The following KLRG1 variants were observed in gnomAD, a reference collection of about 807,000 sequenced individuals.
KLRG1 encodes the protein killer cell lectin-like receptor subfamily G member 1.
Under a neutral mutation model 21.8 loss-of-function variants are expected in KLRG1, and 16 were observed. That is an observed-to-expected ratio of 0.73 (90% CI 0.50 to 1.11). The LOEUF is 1.11. Among genes scored for constraint, KLRG1 ranks in the 50% most tolerant of loss-of-function variants. The pLI, the probability that KLRG1 is intolerant of heterozygous loss-of-function variation, is 0.00. For synonymous variants in KLRG1, 69 were observed against 75.9 expected (o/e 0.91, Z 0.47); for missense variants, 173 against 218.3 (o/e 0.79, Z 1.31).
chr12:9,033,138 A>G, the KLRG1 span, among the ~76,000 whole-genome samples: 68 of 152,228 alleles, frequency 4.5e-4, no homozygotes, highest in Non-Finnish European at 8.1e-4. Context: ...GAATTTGTGA[A>G]TCAAAAGATT....
At chr12:9,185,814 CTTTT>C in the KLRG1 span, among the ~76,000 whole-genome samples, 1 of 147,234 alleles carries the variant, frequency 6.8e-6, no homozygotes, top group Non-Finnish European at 1.5e-5. Flanking sequence ...CTTTTCTTTT[CTTTT>C]TTTTTTTCTT....
intron 1 of KLRG1, among the ~76,000 whole-genome samples, chr12:8,984,259 G>A (rs777999915): frequency 9.2e-5 from 14 of 152,018 alleles, no homozygotes; most frequent in Admixed American, 2.0e-4. Flanking sequence ...CTGGAGTGCC[G>A]TAGTGCAATC....
chr12:9,193,633 T>G, the KLRG1 span, among the ~76,000 whole-genome samples: 1 of 152,214 alleles, frequency 6.6e-6, no homozygotes, highest in Non-Finnish European at 1.5e-5. Flanking sequence ...AATTATAGTC[T>G]TTTATCACTT....
At chr12:9,135,457 A>G in the KLRG1 span, 2 of 370,452 alleles carry the variant, frequency 5.4e-6, no homozygotes, top group South Asian at 5.4e-5. Flanking sequence ...GTGCTGTATG[A>G]AAGCCCCACC....
rs750167642 is a variant in KLRG1, at chr12:9,009,457, G to A, written c.490G>A (p.Gly164Ser). Residue 164 changes from glycine (G) to serine (S), a missense_variant, in exon 5 of 5, where the codon GGT becomes AGT. By Grantham distance (56) the Gly-to-Ser change is moderately conservative. Coordinates refer to ENST00000356986, the MANE Select transcript of KLRG1 (RefSeq NM_005810.4). Reference protein sequence around the residue: ...ISSNSFVQTCGAINKNGLQAS... With the variant: ...ISSNSFVQTCSAINKNGLQAS... ...TTCTAATAGCTTTGTGCAGACATGC[G>A]GTGCCATCAACAAAAATGGTCTTCA... 1.2e-5 allele frequency: 20 copies of A among 1,613,624 alleles called. No homozygotes were observed. Among genetic ancestry groups the A allele is most frequent in the South Asian group, 3.3e-5 (3 of 91,060 alleles).
At chr12:9,139,370 G>C in the KLRG1 span, among the ~76,000 whole-genome samples, 9 of 152,148 alleles carry the variant, frequency 5.9e-5, no homozygotes, top group Non-Finnish European at 1.2e-4. Flanking sequence ...GGAAGGATCT[G>C]AGTGCACATG....
At chr12:9,160,351 CTGCG>C in the KLRG1 span, 1 of 1,614,150 alleles carries the variant, frequency 6.2e-7, no homozygotes, top group Non-Finnish European at 8.5e-7. Context: ...CCTTGATCTC[CTGCG>C]TCAGCTGCTG....
intron 1 of KLRG1, among the ~76,000 whole-genome samples, chr12:8,958,421 ACTC>A (rs2137207738): frequency 6.6e-6 from 1 of 152,204 alleles, no homozygotes; most frequent in East Asian, 1.9e-4. Context: ...CTAATAACAC[ACTC>A]CTGATTCTTC....
intron 1 of KLRG1, among the ~76,000 whole-genome samples, chr12:8,976,903 C>G (rs764700890): frequency 1.3e-5 from 2 of 151,790 alleles, no homozygotes; most frequent in Admixed American, 1.3e-4. Flanking sequence ...TGTACTACCA[C>G]GCCTGGCTAA....
chr12:9,060,895 ATATT>A, the KLRG1 span, among the ~76,000 whole-genome samples: 7 of 152,212 alleles, frequency 4.6e-5, no homozygotes, highest in Admixed American at 2.6e-4. Context: ...AAGAGACAGT[ATATT>A]TATATTTCCT....
downstream of KLRG1, among the ~76,000 whole-genome samples, chr12:9,012,572 G>A (rs1947646869): frequency 6.6e-6 from 1 of 151,802 alleles, no homozygotes; most frequent in Non-Finnish European, 1.5e-5. Context: ...GCCATGGGGA[G>A]AGACTTCTTC....
At chr12:8,977,370 ATTTT>A (rs1229287155) in intron 1 of KLRG1, among the ~76,000 whole-genome samples, 1 of 127,840 alleles carries the variant, frequency 7.8e-6, no homozygotes, top group Admixed American at 8.2e-5. Context: ...TGCCTGGCTA[ATTTT>A]TTTTTTTTTT....
At chr12:9,101,942 G>A in the KLRG1 span, among the ~76,000 whole-genome samples, 50 of 152,250 alleles carry the variant, frequency 3.3e-4, no homozygotes, top group African/African-American at 1.1e-3. Context: ...TGATTAGCTT[G>A]CTTGAAATTT....
At chr12:9,070,415 T>A in the KLRG1 span, 8 of 957,956 alleles carry the variant, frequency 8.4e-6, no homozygotes, top group African/African-American at 1.1e-4. Flanking sequence ...ATTTTGATAT[T>A]AGTATTGTCT....
the KLRG1 span, chr12:9,165,086 C>G: frequency 6.4e-7 from 1 of 1,565,020 alleles, no homozygotes; most frequent in Non-Finnish European, 8.8e-7. Flanking sequence ...GCTGACTGAT[C>G]AAAGGAATCT....
chr12:9,072,411 T>G, the KLRG1 span: 1 of 1,613,806 alleles, frequency 6.2e-7, no homozygotes, highest in Admixed American at 1.7e-5. Context: ...TCATCACAAG[T>G]TTGAGGCAGA....
the KLRG1 span, among the ~76,000 whole-genome samples, chr12:9,137,248 G>A: frequency 5.3e-5 from 8 of 151,946 alleles, no homozygotes; most frequent in Admixed American, 5.2e-4. Context: ...TTTGCTTATG[G>A]ATATACAGTT....
chr12:9,194,082 C>G, the KLRG1 span: 1 of 1,612,652 alleles, frequency 6.2e-7, no homozygotes, highest in Non-Finnish European at 8.5e-7. Context: ...CTTACCCGGA[C>G]AAAAAGTTTA....
the KLRG1 span, chr12:9,089,378 TG>T: frequency 1.4e-6 from 1 of 724,600 alleles, no homozygotes; most frequent in South Asian, 1.6e-5. Context: ...AAGAAAATTC[TG>T]TACATATAAG....
Sources: allele counts gnomAD v4.1 joint callset (sites outside exome capture counted in the v4.1 genomes callset), GRCh38; gene constraint gnomAD v4.1.1; transcripts MANE v1.5; gene names NCBI Gene and HGNC (gene_info 2026-07-23, HGNC 2026-07-21).